Variants in OXCT1 observed in about 807,000 individuals in gnomAD.
OXCT1 encodes the protein succinyl-CoA:3-ketoacid coenzyme A transferase 1, mitochondrial.
In OXCT1, 27 loss-of-function variants were observed where a neutral mutation model predicts 69.6. The ratio of observed to expected loss-of-function variants is 0.39; its 90% CI spans 0.29 to 0.54. The LOEUF is 0.54. Ranked by LOEUF, OXCT1 falls within the 20% of genes least tolerant of loss-of-function variation. OXCT1 has a pLI of 0.72. For missense variants in OXCT1, 437 were observed against 650.2 expected (o/e 0.67, Z 3.57); for synonymous variants, 202 against 217.8 (o/e 0.93, Z 0.64).
chr5:41,829,520 T>A (rs1039860584), intron 7 of OXCT1, among the ~76,000 whole-genome samples: 29 of 152,272 alleles, frequency 1.9e-4, no homozygotes, highest in Admixed American at 1.6e-3. Flanking sequence ...TGAAGTCCAT[T>A]GTACCTGAGA....
At chr5:41,803,835 G>A (rs1746539171) in intron 9 of OXCT1, among the ~76,000 whole-genome samples, 1 of 152,192 alleles carries the variant, frequency 6.6e-6, no homozygotes, top group South Asian at 2.1e-4. Context: ...ATCAAAACAG[G>A]AGTGATGATG....
chr5:41,840,781 A>G (rs1402780841), intron 6 of OXCT1, among the ~76,000 whole-genome samples: 1 of 152,196 alleles, frequency 6.6e-6, no homozygotes, highest in Admixed American at 6.5e-5. Flanking sequence ...ATATAGCTAC[A>G]ACAAAAAAAG....
chr5:41,761,694 A>T (rs1744353647), intron 14 of OXCT1, among the ~76,000 whole-genome samples: 1 of 152,092 alleles, frequency 6.6e-6, no homozygotes, highest in Non-Finnish European at 1.5e-5. Context: ...TCCATTTGAA[A>T]ATAACTGTTG....
intron 7 of OXCT1, among the ~76,000 whole-genome samples, chr5:41,829,498 C>G (rs891243807): frequency 6.6e-6 from 1 of 151,958 alleles, no homozygotes; most frequent in Non-Finnish European, 1.5e-5. Flanking sequence ...GTATTTTTAC[C>G]TCACAATGCA....
At chr5:41,746,005 A>G (rs1743466811) in intron 15 of OXCT1, among the ~76,000 whole-genome samples, 1 of 152,102 alleles carries the variant, frequency 6.6e-6, no homozygotes, top group South Asian at 2.1e-4. Context: ...TTCCAAAACT[A>G]CTCGAATCAA....
chr5:41,768,930 C>T (rs551205005), intron 13 of OXCT1, among the ~76,000 whole-genome samples: 1 of 152,304 alleles, frequency 6.6e-6, no homozygotes, highest in South Asian at 2.1e-4. Context: ...CCTCACACCC[C>T]AGTTCCCATT....
rs200817965 is a variant in OXCT1, at chr5:41,833,321, GA to G, written c.732+7129del. 5.9e-3 allele frequency among the ~76,000 whole-genome samples: 897 copies of G among 152,212 alleles called. 10 individuals carry two copies. Among genetic ancestry groups the G allele is most frequent in the African/African-American group, 0.021 (855 of 41,514 alleles). On this transcript the variant is annotated intron_variant, in intron 7 of 16. Transcript: ENST00000196371. ...ATGTCTGGCAACAGACTTTTCAGTG[GA>G]AACATTACAAGCCAGGAAAGAGTAG...
intron 15 of OXCT1, among the ~76,000 whole-genome samples, chr5:41,743,490 C>T (rs1336560033): frequency 6.6e-6 from 1 of 152,148 alleles, no homozygotes; most frequent in Non-Finnish European, 1.5e-5. Flanking sequence ...TTAATTAGAT[C>T]CCATTTGTCA....
intron 14 of OXCT1, among the ~76,000 whole-genome samples, chr5:41,757,787 T>G: frequency 6.6e-6 from 1 of 152,002 alleles, no homozygotes; most frequent in East Asian, 1.9e-4. Context: ...TACAAACACC[T>G]AAGAATGGGA....
chr5:41,822,192 G>A lies in OXCT1; in HGVS notation c.733-14754C>T, dbSNP rs572215952. ...GAACAAAGAGAAGTAAATGGAACTG[G>A]TGATGGGGCCAGGGGTTTCTCAGAG... On this transcript the variant is annotated intron_variant, in intron 7 of 16. Coordinates refer to ENST00000196371, the MANE Select transcript of OXCT1 (RefSeq NM_000436.4). 2.0e-5 allele frequency among the ~76,000 whole-genome samples: 3 copies of A among 152,220 alleles called. No individual in the cohort carries two copies. The East Asian group carries it at 5.8e-4, about 29-fold the overall frequency.
At chr5:41,850,691 A>C (rs2112442072) in intron 4 of OXCT1, among the ~76,000 whole-genome samples, 1 of 152,366 alleles carries the variant, frequency 6.6e-6, no homozygotes, top group East Asian at 1.9e-4. Flanking sequence ...AACAAAGTGA[A>C]AAATACAGCA....
chr5:41,828,303 A>G (rs1484360152), intron 7 of OXCT1, among the ~76,000 whole-genome samples: 1 of 150,018 alleles, frequency 6.7e-6, no homozygotes, highest in Non-Finnish European at 1.5e-5. Flanking sequence ...TTTAGTAGAG[A>G]TGGGGTTTCA....
At chr5:41,821,053 C>T (rs1747522855) in intron 7 of OXCT1, among the ~76,000 whole-genome samples, 1 of 152,154 alleles carries the variant, frequency 6.6e-6, no homozygotes, top group Non-Finnish European at 1.5e-5. Flanking sequence ...TCTTATGTAG[C>T]AAATCCTTAA....
chr5:41,793,511 A>G (rs1409289151), intron 13 of OXCT1, among the ~76,000 whole-genome samples: 1 of 152,236 alleles, frequency 6.6e-6, no homozygotes, highest in Non-Finnish European at 1.5e-5. Context: ...GCATTTCACA[A>G]GGATATTAAA....
At chr5:41,858,960 T>C (rs1749584163) in intron 3 of OXCT1, among the ~76,000 whole-genome samples, 1 of 152,210 alleles carries the variant, frequency 6.6e-6, no homozygotes, top group Admixed American at 6.5e-5. Context: ...AATTACCCAG[T>C]CAACTGCAGT....
chr5:41,805,040 C>CT (rs938639589), intron 9 of OXCT1, among the ~76,000 whole-genome samples: 1 of 152,040 alleles, frequency 6.6e-6, no homozygotes, highest in Non-Finnish European at 1.5e-5. Context: ...TACTCTACCT[C>CT]TTTTTTTGAC....
intron 15 of OXCT1, 36 bp from the exon 16 acceptor site, chr5:41,739,527 T>TC: frequency 7.1e-7 from 1 of 1,415,398 alleles, no homozygotes; most frequent in Non-Finnish European, 1.0e-6. Flanking sequence ...AATGACAATT[T>TC]CCATCAAAAT....
intron 13 of OXCT1, among the ~76,000 whole-genome samples, chr5:41,787,634 C>CAAAAAAAAAAAAAAAAA (rs765691863): frequency 2.9e-5 from 1 of 34,734 alleles, no homozygotes. Context: ...AAGCATTAGG[C>CAAAAAAAAAAAAAAAAA]AAAAAAAAAA....
chr5:41,830,515 A>G (rs763552859), intron 7 of OXCT1, among the ~76,000 whole-genome samples: 1 of 152,244 alleles, frequency 6.6e-6, no homozygotes, highest in Non-Finnish European at 1.5e-5. Flanking sequence ...CATGTAGCAT[A>G]GTAAGTTCAC....
Sources: gnomAD v4.1 joint callset for allele counts (sites outside exome capture counted in the v4.1 genomes callset) on GRCh38, gnomAD v4.1.1 for gene constraint, MANE v1.5 for transcripts, NCBI Gene and HGNC (gene_info 2026-07-23, HGNC 2026-07-21) for gene names.